Variants in TBC1D16 observed in about 807,000 individuals in gnomAD.
The protein encoded by TBC1D16 is TBC1 domain family member 16.
TBC1D16 carries 58 observed loss-of-function variants against 74.7 expected under a neutral mutation model. The ratio of observed to expected loss-of-function variants is 0.78; its 90% CI spans 0.63 to 0.97. The LOEUF (loss-of-function observed/expected upper bound fraction) is 0.97. Among genes scored for constraint, TBC1D16 ranks in the 50% least tolerant of loss-of-function variants. The probability of loss-of-function intolerance (pLI) is 0.00; values close to 1 mark genes in which losing one functional copy is unlikely to be tolerated. For missense variants in TBC1D16, 1,014 were observed against 1,079.5 expected (o/e 0.94, Z 0.85); for synonymous variants, 493 against 474.7 (o/e 1.04, Z -0.50).
At chr17:79,999,128 C>T (rs1379906375) in intron 3 of TBC1D16, among the ~76,000 whole-genome samples, 4 of 151,924 alleles carry the variant, frequency 2.6e-5, no homozygotes. Context: ...TGGTGGTGGG[C>T]ACCTGTAGTC....
chr17:79,952,744 T>C lies in TBC1D16; in HGVS notation c.854A>G (p.Glu285Gly). 6.2e-7 allele frequency: 1 copy of C among 1,612,232 alleles called. No homozygotes were observed. Among genetic ancestry groups the C allele is most frequent in the Non-Finnish European group, 8.5e-7 (1 of 1,179,432 alleles). ...NGLLQTPRWD[E>G]PQRVCALEQI... Reference sequence around the variant, plus strand: ...CTCCAGGGCGCACACCCGCTGCGGCTCGTCCCAGCGTGGGGTCTGCAGGAG... The same window carrying C: ...CTCCAGGGCGCACACCCGCTGCGGCCCGTCCCAGCGTGGGGTCTGCAGGAG... Residue 285 changes from glutamate (E) to glycine (G), a missense_variant, in exon 4 of 12, where the codon GAG becomes GGG. Coordinates refer to ENST00000310924, the MANE Select transcript of TBC1D16 (RefSeq NM_019020.4).
At chr17:79,951,354 CG>C (rs948190735) in intron 5 of TBC1D16, 95 bp downstream of exon 5, 5 of 1,470,878 alleles carry the variant, frequency 3.4e-6, no homozygotes, top group African/African-American at 1.4e-5. Flanking sequence ...CCCCGGGGCC[CG>C]GGGACCCCAG....
chr17:79,941,142 G>T lies in TBC1D16; in HGVS notation c.2056-35C>A. Reference sequence around the variant, plus strand: ...GAGGACGGGGGGTGAGGAGGGGCCGGGGGACAGCCTGGCAGCCTAGGGTCC... The same window carrying T: ...GAGGACGGGGGGTGAGGAGGGGCCGTGGGACAGCCTGGCAGCCTAGGGTCC... On this transcript the variant is annotated intron_variant, in intron 11 of 11. Coordinates refer to ENST00000310924, the MANE Select transcript of TBC1D16 (RefSeq NM_019020.4). This position sits in a 1 kb window ranked among gnomAD's most constrained non-coding sequence, Gnocchi z 4.3. 6.6e-7 allele frequency: 1 copy of T among 1,526,530 alleles called. No homozygotes were observed. The highest frequency in any genetic ancestry group is 2.4e-5 in the East Asian group (1 of 41,168). 94.6% of individuals were successfully genotyped at this position (1,526,530 alleles called of 1,614,324 possible).
At chr17:79,970,398 C>T (rs1598365195) in intron 3 of TBC1D16, among the ~76,000 whole-genome samples, 1 of 152,152 alleles carries the variant, frequency 6.6e-6, no homozygotes, top group African/African-American at 2.4e-5. Flanking sequence ...CTGCATTGTA[C>T]ACTTTAAAAG....
rs371065318 is a variant in TBC1D16 at position 80,010,421 on chromosome 17, G to A, written c.518C>T (p.Ala173Val). ...KLAQGLGVDG[A>V]QPASQPACSP... The stretch of plus-strand genomic sequence containing the variant: ...GCAAGCAGGCTGCGAGGCTGGCTGG[G>A]CACCATCCACCCCCAAGCCCTGCGC... Residue 173 changes from alanine (A) to valine (V), a missense_variant, in exon 3 of 12, where the codon GCC (alanine) becomes GTC (valine). Ala to Val is a moderately conservative substitution (Grantham distance 64, BLOSUM62 0). Coordinates refer to ENST00000310924, the MANE Select transcript of TBC1D16 (RefSeq NM_019020.4). The surrounding 1 kb of genome is among the most constrained non-coding windows in gnomAD (Gnocchi z 8.8). 17 of 1,610,728 alleles carry A rather than the reference G, an allele frequency of 1.1e-5. No individual in the cohort carries two copies. The African/African-American group carries it at 2.3e-4, about 22-fold the overall frequency.
rs1371634084 is a variant in TBC1D16, at chr17:79,961,916, CCCA to C, written c.780-9101_780-9099del. Among the ~76,000 whole-genome samples, 2 of 151,910 alleles carry C rather than the reference CCCA, an allele frequency of 1.3e-5. No homozygotes were observed. The highest frequency in any genetic ancestry group is 2.9e-5 in the Non-Finnish European group (2 of 67,962). On this transcript the variant is annotated intron_variant, in intron 3 of 11. Coordinates refer to ENST00000310924, the MANE Select transcript of TBC1D16 (RefSeq NM_019020.4). This position sits in a 1 kb window ranked among gnomAD's most constrained non-coding sequence, Gnocchi z 4.8. ...TAAAATAGATAAGAACTGAAAACAA[CCCA>C]GGGTTTATCAACAGCCAATGCAGTA... is the stretch of plus-strand genomic sequence containing the variant.
Position 80,009,162 on chromosome 17 carries a change from G to A in TBC1D16, c.779+998C>T, listed in dbSNP as rs867145670. Among the ~76,000 whole-genome samples the A allele has an allele frequency of 1.3e-5, 2 of 152,238 alleles. No individual in the cohort carries two copies. The highest frequency in any genetic ancestry group is 2.9e-5 in the Non-Finnish European group (2 of 68,032). ...CCCAGGCGAGACCCAGACCACCCAC[G>A]TCCAGCATGCGCCCGGCTCACACCA... On this transcript the variant is annotated intron_variant, in intron 3 of 11. Coordinates refer to ENST00000310924, the MANE Select transcript of TBC1D16 (RefSeq NM_019020.4). This position sits in a 1 kb window ranked among gnomAD's most constrained non-coding sequence, Gnocchi z 5.4.
At chr17:79,970,152 C>T (rs1324130377) in intron 3 of TBC1D16, among the ~76,000 whole-genome samples, 1 of 152,084 alleles carries the variant, frequency 6.6e-6, no homozygotes, top group African/African-American at 2.4e-5. Flanking sequence ...ATCCTGAAAA[C>T]ACGATGCTAA....
In TBC1D16 at chr17:79,948,985, C is replaced by T. The variant is rs143327519; in HGVS notation, c.1428G>A (p.Glu476=). 22 of 1,614,156 alleles carry T rather than the reference C, an allele frequency of 1.4e-5. No homozygotes were observed. The African/African-American group carries it at 2.4e-4, about 18-fold the overall frequency. The change falls in exon 8 of 12, where the codon GAG becomes GAA. Residue 476 remains glutamate (E), a synonymous_variant. Transcript: ENST00000310924. The stretch of plus-strand genomic sequence containing the variant: ...GCACATTACGCCAGAACGCTCTGTG[C>T]TCCTCGGGAGTCATGGAGAGCCTGT... ...QQKRLSMTPE[E]HRAFWRNVQF...
intron 3 of TBC1D16, among the ~76,000 whole-genome samples, chr17:80,005,843 T>C (rs2035653160): frequency 6.6e-6 from 1 of 152,132 alleles, no homozygotes; most frequent in Non-Finnish European, 1.5e-5. Flanking sequence ...TTCTAACCCC[T>C]AAGCTCTTCT....
chr17:79,946,435 G>A (rs545577700), intron 9 of TBC1D16, among the ~76,000 whole-genome samples: 13 of 152,310 alleles, frequency 8.5e-5, no homozygotes, highest in South Asian at 4.1e-4. Context: ...CCTGCGGTGC[G>A]GCCAGTTCCT....
At chr17:79,959,874 CTT>C (rs527883733) in intron 3 of TBC1D16, among the ~76,000 whole-genome samples, 7 of 148,930 alleles carry the variant, frequency 4.7e-5, no homozygotes, top group Non-Finnish European at 7.5e-5. Context: ...AAATTAAAGA[CTT>C]TTTTTTTTCA....
intron 3 of TBC1D16, among the ~76,000 whole-genome samples, chr17:79,959,770 T>A (rs2033509843): frequency 1.3e-5 from 2 of 152,066 alleles, no homozygotes; most frequent in Admixed American, 1.3e-4. Context: ...TCCAGAAGAA[T>A]CCGTAAGAGA....
In TBC1D16 at chr17:79,948,745, GCTT is replaced by G. The variant is rs1386017516; in HGVS notation, c.1541+124_1541+126del. 4 of 1,260,784 alleles carry G rather than the reference GCTT, an allele frequency of 3.2e-6. No individual in the cohort carries two copies. The African/African-American group carries it at 4.4e-5, about 14-fold the overall frequency. 78.1% of individuals were successfully genotyped at this position (1,260,784 alleles called of 1,614,324 possible). Reference sequence around the variant, plus strand: ...GAGTAGCGTATCCTTCACTTCTGGGGCTTTGATGTATGAACCTGGAAGAGAGCC... The same window carrying G: ...GAGTAGCGTATCCTTCACTTCTGGGGTGATGTATGAACCTGGAAGAGAGCC... On this transcript the variant is annotated intron_variant, in intron 8 of 11. Coordinates refer to ENST00000310924, the MANE Select transcript of TBC1D16 (RefSeq NM_019020.4).
In TBC1D16 at chr17:80,016,971, T is replaced by C. The variant is rs556637116; in HGVS notation, c.-62-3362A>G. Among the ~76,000 whole-genome samples, 17 of 152,250 alleles carry C rather than the reference T, an allele frequency of 1.1e-4. No homozygotes were observed. In the South Asian group the frequency reaches 3.3e-3, roughly 30 times the overall value. ...CATCACTTGTGAAAATCACCAGTTC[T>C]GGGGGTGGGGACCCAGCTCAGATCC... On this transcript the variant is annotated intron_variant, in intron 1 of 11. Coordinates refer to ENST00000310924, the MANE Select transcript of TBC1D16 (RefSeq NM_019020.4).
Position 79,990,464 on chromosome 17 carries a change from A to G in TBC1D16, c.779+19696T>C, listed in dbSNP as rs1286479369. On this transcript the variant is annotated intron_variant, in intron 3 of 11. Coordinates refer to ENST00000310924, the MANE Select transcript of TBC1D16 (RefSeq NM_019020.4). The surrounding 1 kb of genome is among the most constrained non-coding windows in gnomAD (Gnocchi z 4.8). ...CCAATTGCTGGGGTGGGGACAACCT[A>G]CACAGGCTTACAGACCTAATCCAAG... 6.6e-6 allele frequency among the ~76,000 whole-genome samples: 1 copy of G among 152,240 alleles called. No homozygotes were observed.
At chr17:79,977,686 A>G (rs2034388492) in intron 3 of TBC1D16, among the ~76,000 whole-genome samples, 1 of 152,268 alleles carries the variant, frequency 6.6e-6, no homozygotes, top group South Asian at 2.1e-4. Flanking sequence ...AACTGTTCCC[A>G]GCAAAACTGA....
In TBC1D16 at chr17:79,971,086, T is replaced by C. The variant is rs915037303; in HGVS notation, c.780-18268A>G. On this transcript the variant is annotated intron_variant, in intron 3 of 11. Transcript: ENST00000310924. This position sits in a 1 kb window ranked among gnomAD's most constrained non-coding sequence, Gnocchi z 4.6. Reference sequence around the variant, plus strand: ...TGCCCAGGCTGGAGTGCAGTGGCGCTATCTCGGCTCACTGCAACCTCCACC... The same window carrying C: ...TGCCCAGGCTGGAGTGCAGTGGCGCCATCTCGGCTCACTGCAACCTCCACC... Among the ~76,000 whole-genome samples, 2 of 151,994 alleles carry C rather than the reference T, an allele frequency of 1.3e-5. No individual in the cohort carries two copies. Among genetic ancestry groups the C allele is most frequent in the East Asian group, 1.9e-4 (1 of 5,182 alleles).
intron 3 of TBC1D16, among the ~76,000 whole-genome samples, chr17:79,978,844 A>G (rs940813610): frequency 2.0e-5 from 3 of 152,228 alleles, no homozygotes; most frequent in South Asian, 4.1e-4. Flanking sequence ...CGCTGGGTAC[A>G]TCTAATAAAT....
Sources: allele counts gnomAD v4.1 joint callset (sites outside exome capture counted in the v4.1 genomes callset), GRCh38; gene constraint gnomAD v4.1.1; non-coding constraint Gnocchi (gnomAD v3.1); transcripts MANE v1.5; gene names NCBI Gene and HGNC (gene_info 2026-07-23, HGNC 2026-07-21).